The following DNER variants were observed in gnomAD, a reference collection of about 807,000 sequenced individuals.
DNER encodes delta and Notch-like epidermal growth factor-related receptor.
DNER carries 33 observed loss-of-function variants against 78.2 expected under a neutral mutation model. The observed-to-expected ratio is 0.42, with a 90% CI of 0.32 to 0.56. The LOEUF (loss-of-function observed/expected upper bound fraction) is 0.56. Among genes scored for constraint, DNER ranks in the 20% least tolerant of loss-of-function variants. DNER has a pLI of 0.11. For missense variants in DNER, 918 were observed against 975.3 expected (o/e 0.94, Z 0.78); for synonymous variants, 417 against 384.8 (o/e 1.08, Z -0.98).
chr2:229,463,451 T>C (rs1694743497), intron 7 of DNER, among the ~76,000 whole-genome samples: 1 of 152,190 alleles, frequency 6.6e-6, no homozygotes, highest in South Asian at 2.1e-4. Context: ...AATATATTTA[T>C]TTATTTTGTG....
chr2:229,511,926 C>G (rs1031395425), intron 6 of DNER, among the ~76,000 whole-genome samples: 1 of 152,238 alleles, frequency 6.6e-6, no homozygotes, highest in African/African-American at 2.4e-5. Flanking sequence ...CAAATGAGAT[C>G]TTGAAGCTGC....
chr2:229,584,308 T>C (rs975079440), intron 4 of DNER, among the ~76,000 whole-genome samples: 2 of 152,106 alleles, frequency 1.3e-5, no homozygotes, highest in African/African-American at 2.4e-5. Context: ...GGTTGCAATA[T>C]ATAGTCAGAC....
At chr2:229,630,282 C>G (rs867661631) in intron 1 of DNER, among the ~76,000 whole-genome samples, 1 of 151,988 alleles carries the variant, frequency 6.6e-6, no homozygotes, top group African/African-American at 2.4e-5. Context: ...TTGAGACCAG[C>G]CTGGCCAACA....
At chr2:229,379,745 A>C (rs1398386383) in intron 11 of DNER, among the ~76,000 whole-genome samples, 3 of 152,228 alleles carry the variant, frequency 2.0e-5, no homozygotes, top group Non-Finnish European at 2.9e-5. Context: ...AAGCAAATGC[A>C]GTCATAACGA....
chr2:229,659,782 C>T (rs570556560), intron 1 of DNER, among the ~76,000 whole-genome samples: 1 of 152,158 alleles, frequency 6.6e-6, no homozygotes, highest in Non-Finnish European at 1.5e-5. Context: ...GTACTCTATA[C>T]CTTACATTAT....
At chr2:229,530,653 T>C (rs10177374) in intron 5 of DNER, among the ~76,000 whole-genome samples, 3,930 of 152,374 alleles carry the variant, frequency 0.026, 172 homozygotes, top group African/African-American at 0.089. Flanking sequence ...AGCTTTCTCA[T>C]TCCCTTCTGG....
chr2:229,561,365 T>C (rs1221237608), intron 4 of DNER, among the ~76,000 whole-genome samples: 1 of 152,178 alleles, frequency 6.6e-6, no homozygotes, highest in African/African-American at 2.4e-5. Context: ...CTAGCAAACA[T>C]ACAATCAACT....
intron 1 of DNER, among the ~76,000 whole-genome samples, chr2:229,707,648 G>A (rs539954680): frequency 3.2e-4 from 48 of 152,294 alleles, no homozygotes; most frequent in Non-Finnish European, 6.2e-4. Flanking sequence ...CATGCAACTG[G>A]GGGAGAAGAG....
intron 1 of DNER, 85 bp downstream of exon 1, chr2:229,714,063 T>C: frequency 8.4e-7 from 1 of 1,191,332 alleles, no homozygotes; most frequent in East Asian, 3.2e-5. Context: ...GCGTGCCCAT[T>C]GTCGGGCAGC....
chr2:229,567,353 G>A (rs1316278601), intron 4 of DNER, among the ~76,000 whole-genome samples: 6 of 152,180 alleles, frequency 3.9e-5, no homozygotes, highest in African/African-American at 1.4e-4. Flanking sequence ...CCAAGCAGGT[G>A]CCTAGTGCAC....
intron 8 of DNER, among the ~76,000 whole-genome samples, chr2:229,419,603 C>T (rs1045019172): frequency 1.3e-5 from 2 of 152,106 alleles, no homozygotes; most frequent in East Asian, 3.8e-4. Context: ...TAACAGAGCA[C>T]TTTTCAAATA....
chr2:229,474,186 A>C (rs1694985236), intron 7 of DNER, among the ~76,000 whole-genome samples: 1 of 152,200 alleles, frequency 6.6e-6, no homozygotes, highest in African/African-American at 2.4e-5. Flanking sequence ...GATTACAGGC[A>C]TAAGCCACCA....
At chr2:229,407,478 T>C in intron 9 of DNER, 133 bp from the exon 10 acceptor site, 6 of 629,388 alleles carry the variant, frequency 9.5e-6, no homozygotes, top group Admixed American at 3.0e-5. Flanking sequence ...GGTGAGTGTA[T>C]ACACACGTGC....
At chr2:229,689,739 T>C (rs1485080953) in intron 1 of DNER, among the ~76,000 whole-genome samples, 2 of 152,184 alleles carry the variant, frequency 1.3e-5, no homozygotes, top group African/African-American at 2.4e-5. Context: ...CCCACCATTA[T>C]GATAATCATA....
chr2:229,672,640 G>A (rs1699229961), intron 1 of DNER, among the ~76,000 whole-genome samples: 1 of 151,816 alleles, frequency 6.6e-6, no homozygotes, highest in Non-Finnish European at 1.5e-5. Context: ...GAGAAAGATA[G>A]AGAAAGGACT....
At chr2:229,494,082 A>T (rs188873860) in intron 6 of DNER, among the ~76,000 whole-genome samples, 291 of 152,330 alleles carry the variant, frequency 1.9e-3, no homozygotes, top group African/African-American at 6.9e-3. Flanking sequence ...GCTTGATAGG[A>T]AATAAAGAAT....
chr2:229,679,238 T>C (rs987227346), intron 1 of DNER, among the ~76,000 whole-genome samples: 1 of 152,198 alleles, frequency 6.6e-6, no homozygotes, highest in African/African-American at 2.4e-5. Context: ...TACTATAGTA[T>C]TTAAAGATCC....
rs1379205592 is a variant in DNER at position 229,453,939 on chromosome 2, A to AAAAG, written c.1262-6403_1262-6400dup. On this transcript the variant is annotated intron_variant, in intron 7 of 12. Coordinates refer to ENST00000341772, the MANE Select transcript of DNER (RefSeq NM_139072.4). ...ATATATTAAAAAAAAAAAAAAAAAAAAAAGAAAGAAGAGAAACCAGGAGAG... is the reference window on the plus strand; with the variant it reads ...ATATATTAAAAAAAAAAAAAAAAAAAAAAGAAAGAAAGAAGAGAAACCAGGAGAG... 7.7e-4 allele frequency among the ~76,000 whole-genome samples: 106 copies of AAAAG among 138,306 alleles called. 1 individual carries two copies. The highest frequency in any genetic ancestry group is 1.3e-3 in the East Asian group (6 of 4,540). The allele number at this position is 138,306 out of a possible 152,430, so 90.7% of individuals were successfully genotyped here.
At position 229,447,457 on chromosome 2, in the gene DNER, C is replaced by T. The variant is rs767590493; in HGVS notation, c.1345G>A (p.Gly449Arg). The T allele has an allele frequency of 1.5e-5, 24 of 1,614,034 alleles. No homozygotes were observed. Among genetic ancestry groups the T allele is most frequent in the East Asian group, 1.3e-4 (6 of 44,884 alleles). ...CTGCAGTTGCAGGTAAAGTGTACCC[C>T]GTCCACATAGCAGGTGCCGTTGTTC... ...CQNNGTCYVD[G>R]VHFTCNCSPG... The change falls in exon 8 of 13, where the codon GGG (glycine) becomes AGG (arginine). Residue 449 changes from glycine to arginine, a missense_variant. Physicochemically the swap from Gly to Arg is moderately radical, Grantham distance 125. Coordinates refer to ENST00000341772, the MANE Select transcript of DNER (RefSeq NM_139072.4).
Sources: gnomAD v4.1 joint callset for allele counts (sites outside exome capture counted in the v4.1 genomes callset) on GRCh38, gnomAD v4.1.1 for gene constraint, MANE v1.5 for transcripts, NCBI Gene and HGNC (gene_info 2026-07-23, HGNC 2026-07-21) for gene names.